The following SLC35D4 variants were observed in gnomAD, a reference collection of about 807,000 sequenced individuals.
SLC35D4 encodes the protein solute carrier family 35 member D4.
At chr18:23,403,702 T>C in the SLC35D4 span, among the ~76,000 whole-genome samples, 50 of 152,302 alleles carry the variant, frequency 3.3e-4, no homozygotes, top group Non-Finnish European at 6.5e-4. Flanking sequence ...GAGAAAATCA[T>C]GAATTCAGTC....
chr18:23,288,171 T>C, the SLC35D4 span, among the ~76,000 whole-genome samples: 1 of 152,152 alleles, frequency 6.6e-6, no homozygotes, highest in African/African-American at 2.4e-5. Context: ...ATCTCTTTGA[T>C]CCACCTGACG....
chr18:23,266,906 A>G, the SLC35D4 span, among the ~76,000 whole-genome samples: 1 of 152,182 alleles, frequency 6.6e-6, no homozygotes, highest in African/African-American at 2.4e-5. Context: ...AAGCTCAGGG[A>G]GTGACTCCTG....
chr18:23,338,346 T>C, the SLC35D4 span, among the ~76,000 whole-genome samples: 1 of 152,166 alleles, frequency 6.6e-6, no homozygotes, highest in African/African-American at 2.4e-5. Flanking sequence ...ATACAAACAG[T>C]AAATTCAGAC....
the SLC35D4 span, among the ~76,000 whole-genome samples, chr18:23,414,596 C>G: frequency 1.3e-5 from 2 of 151,858 alleles, no homozygotes; most frequent in African/African-American, 4.8e-5. Flanking sequence ...TCGCTTGAAC[C>G]CCGCAGGCAG....
chr18:23,329,434 A>G, the SLC35D4 span, among the ~76,000 whole-genome samples: 3 of 152,254 alleles, frequency 2.0e-5, no homozygotes, highest in Non-Finnish European at 4.4e-5. Context: ...ACATCTATGC[A>G]GCCAACAGAC....
the SLC35D4 span, among the ~76,000 whole-genome samples, chr18:23,334,483 T>G: frequency 6.6e-6 from 1 of 152,236 alleles, no homozygotes; most frequent in African/African-American, 2.4e-5. Flanking sequence ...TAGTTGTATT[T>G]ATGTGATACA....
the SLC35D4 span, among the ~76,000 whole-genome samples, chr18:23,352,787 C>T: frequency 0.048 from 7,295 of 152,266 alleles, 485 homozygotes; most frequent in Admixed American, 0.18. Context: ...GGCCAGAAGT[C>T]CCCCAAACCA....
the SLC35D4 span, among the ~76,000 whole-genome samples, chr18:23,298,317 C>T: frequency 2.0e-5 from 3 of 152,274 alleles, no homozygotes; most frequent in African/African-American, 4.8e-5. Context: ...GAAGGTGAAG[C>T]GTCCCACACA....
At chr18:23,371,819 C>T in the SLC35D4 span, among the ~76,000 whole-genome samples, 2 of 152,156 alleles carry the variant, frequency 1.3e-5, no homozygotes, top group African/African-American at 2.4e-5. Context: ...TTTTCCCAAG[C>T]ATGACTGCTT....
chr18:23,350,225 G>A, the SLC35D4 span, among the ~76,000 whole-genome samples: 1 of 152,168 alleles, frequency 6.6e-6, no homozygotes, highest in African/African-American at 2.4e-5. Flanking sequence ...ATAAGCTACA[G>A]CTGCTGATGT....
chr18:23,255,717 G>A, the SLC35D4 span, among the ~76,000 whole-genome samples: 4 of 151,788 alleles, frequency 2.6e-5, no homozygotes, highest in African/African-American at 4.8e-5. Context: ...GTACCACTGC[G>A]CCTGGCTAAT....
chr18:23,410,403 G>C, the SLC35D4 span, among the ~76,000 whole-genome samples: 1 of 151,630 alleles, frequency 6.6e-6, no homozygotes, highest in East Asian at 1.9e-4. Context: ...GCATGAACCC[G>C]GGAGGCAGAG....
the SLC35D4 span, among the ~76,000 whole-genome samples, chr18:23,405,823 G>A: frequency 6.6e-6 from 1 of 152,166 alleles, no homozygotes; most frequent in Admixed American, 6.5e-5. Context: ...TGGCTTTACA[G>A]GTTCCACAAC....
At chr18:23,349,117 C>T in the SLC35D4 span, among the ~76,000 whole-genome samples, 1 of 152,268 alleles carries the variant, frequency 6.6e-6, no homozygotes, top group Non-Finnish European at 1.5e-5. Context: ...TGTCTTTCAA[C>T]AGTTTGATTA....
chr18:23,354,620 T>C, the SLC35D4 span, among the ~76,000 whole-genome samples: 3 of 151,382 alleles, frequency 2.0e-5, no homozygotes, highest in South Asian at 6.3e-4. Context: ...GGCTCCCACC[T>C]CTGCACCCAA....
the SLC35D4 span, among the ~76,000 whole-genome samples, chr18:23,302,813 A>G: frequency 6.6e-6 from 1 of 152,210 alleles, no homozygotes; most frequent in Non-Finnish European, 1.5e-5. Context: ...ACCACACGCC[A>G]ACGTGAAGAG....
the SLC35D4 span, among the ~76,000 whole-genome samples, chr18:23,291,903 C>T: frequency 8.8e-4 from 134 of 152,312 alleles, no homozygotes; most frequent in African/African-American, 3.1e-3. Context: ...AGGGACACAG[C>T]CTGAAGCCAG....
the SLC35D4 span, among the ~76,000 whole-genome samples, chr18:23,386,736 AAAAAAGGAG>A: frequency 6.6e-6 from 1 of 151,926 alleles, no homozygotes; most frequent in Non-Finnish European, 1.5e-5. Context: ...AAAAAAAAAA[AAAAAAGGAG>A]AAAATATAAA....
the SLC35D4 span, among the ~76,000 whole-genome samples, chr18:23,270,262 G>T: frequency 6.6e-6 from 1 of 152,238 alleles, no homozygotes; most frequent in African/African-American, 2.4e-5. Flanking sequence ...CCAAGCCTTG[G>T]TAGCTTACAC....
Sources: allele counts gnomAD v4.1 joint callset (sites outside exome capture counted in the v4.1 genomes callset), GRCh38; gene constraint gnomAD v4.1.1; transcripts MANE v1.5; gene names NCBI Gene and HGNC (gene_info 2026-07-23, HGNC 2026-07-21).